The following RALY variants were observed in gnomAD, a reference collection of about 807,000 sequenced individuals.
RALY encodes RALY heterogeneous nuclear ribonucleoprotein, also known as RNA-binding protein Raly.
RALY carries 15 observed loss-of-function variants against 30.7 expected under a neutral mutation model. That is an observed-to-expected ratio of 0.49 (90% confidence interval 0.33 to 0.75). The LOEUF (loss-of-function observed/expected upper bound fraction) is 0.75, where lower values mean the gene tolerates loss of function less well. Ranked by LOEUF, RALY falls within the 30% of genes least tolerant of loss-of-function variation. The pLI, the probability that RALY is intolerant of heterozygous loss-of-function variation, is 0.02. For synonymous variants in RALY, 177 were observed against 170.8 expected (o/e 1.04, Z -0.28); for missense variants, 339 against 414.3 (o/e 0.82, Z 1.58).
intron 1 of RALY, among the ~76,000 whole-genome samples, chr20:33,996,351 GGCTATGAAAGT>G (rs1239739706): frequency 1.3e-5 from 2 of 152,126 alleles, no homozygotes; most frequent in Non-Finnish European, 2.9e-5. Context: ...TTAAGAAAAT[GGCTATGAAAGT>G]GCTTTATAGT....
chr20:34,008,405 G>A (rs991604476), intron 1 of RALY, among the ~76,000 whole-genome samples: 1 of 152,138 alleles, frequency 6.6e-6, no homozygotes, highest in Non-Finnish European at 1.5e-5. Context: ...ACTGTAATGG[G>A]GGTAATTTTG....
intron 1 of RALY, among the ~76,000 whole-genome samples, chr20:33,998,323 C>G (rs1235721066): frequency 6.6e-6 from 1 of 152,028 alleles, no homozygotes; most frequent in African/African-American, 2.4e-5. Context: ...AAGCCTAGCC[C>G]TCAAGAGAAC....
chr20:34,075,926 C>T lies in RALY; in HGVS notation c.430C>T (p.Pro144Ser). Residue 144 changes from proline to serine, a missense_variant, in exon 6 of 10, where the codon CCT (proline) becomes TCT (serine). This residue lies in a region of RALY where 268 missense variants were observed against 280.6 expected (regional missense o/e 0.95). Coordinates refer to ENST00000246194, the MANE Select transcript of RALY (RefSeq NM_016732.3). ...GCCCGTGCCAGTGCCCAGGGCGGTC[C>T]CTGTGAAGCGACCCCGGGTCACAGT... is the stretch of plus-strand genomic sequence containing the variant. ...LSPVPVPRAVPVKRPRVTVPL... is the reference protein window; with the variant it reads ...LSPVPVPRAVSVKRPRVTVPL... 6.2e-7 allele frequency: 1 copy of T among 1,614,168 alleles called. No homozygotes were observed. The highest frequency in any genetic ancestry group is 1.1e-5 in the South Asian group (1 of 91,070).
At chr20:34,031,269 C>A (rs1206959543) in intron 1 of RALY, among the ~76,000 whole-genome samples, 1 of 149,288 alleles carries the variant, frequency 6.7e-6, no homozygotes, top group South Asian at 2.1e-4. Flanking sequence ...CCATGTTGGC[C>A]GGGCTCGTCT....
At chr20:34,043,323 T>A (rs562741618) in intron 2 of RALY, among the ~76,000 whole-genome samples, 45 of 152,356 alleles carry the variant, frequency 3.0e-4, no homozygotes, top group Non-Finnish European at 5.0e-4. Context: ...CTACTCAGAA[T>A]AGGCAGCTGC....
chr20:34,054,815 C>CAA (rs771028871), intron 2 of RALY, among the ~76,000 whole-genome samples: 24 of 110,794 alleles, frequency 2.2e-4, no homozygotes, highest in South Asian at 5.8e-4. Context: ...GAGACTGTCT[C>CAA]AAAAAAAAAA....
chr20:34,071,839 T>G (rs2033736647), intron 2 of RALY, among the ~76,000 whole-genome samples: 1 of 152,122 alleles, frequency 6.6e-6, no homozygotes, highest in South Asian at 2.1e-4. Context: ...GCATATCATG[T>G]GAGTAACAAA....
In RALY at chr20:34,082,117, T is replaced by TA. The variant is rs2034039820; in HGVS notation, c.*2212_*2213insA. On this transcript the variant is annotated 3_prime_UTR_variant, in exon 10 of 10. Coordinates refer to ENST00000246194, the MANE Select transcript of RALY (RefSeq NM_016732.3). Reference sequence around the variant, plus strand: ...AGGAAGGGGCTAGGTCTGCAAGGAGTGCCTCATCTCCCTGAAGAGCTCTCA... The same window carrying TA: ...AGGAAGGGGCTAGGTCTGCAAGGAGTAGCCTCATCTCCCTGAAGAGCTCTCA... 6.6e-6 allele frequency: 1 copy of TA among 152,140 alleles called. No homozygotes were observed. The highest frequency in any genetic ancestry group is 2.1e-4 in the South Asian group (1 of 4,820). The allele number at this position is 152,140 out of a possible 1,614,324, so 9.4% of individuals were successfully genotyped here. A position where few individuals can be genotyped will look rare whatever the true frequency, so the allele number is the denominator to read the frequency against.
intron 9 of RALY, among the ~76,000 whole-genome samples, chr20:34,079,096 G>T (rs1477554438): frequency 1.3e-5 from 2 of 152,180 alleles, no homozygotes; most frequent in East Asian, 1.9e-4. Context: ...ATTGTCAGAG[G>T]GTGATGATTG....
At chr20:34,044,507 G>A (rs1287844173) in intron 2 of RALY, among the ~76,000 whole-genome samples, 2 of 151,946 alleles carry the variant, frequency 1.3e-5, no homozygotes, top group African/African-American at 2.4e-5. Flanking sequence ...TTTGGTAGAG[G>A]CGGAGTTTCT....
At chr20:34,072,492 C>T (rs528242302) in intron 3 of RALY, among the ~76,000 whole-genome samples, 162 bp downstream of exon 3, 1 of 152,086 alleles carries the variant, frequency 6.6e-6, no homozygotes, top group South Asian at 2.1e-4. Context: ...AAAATTAATC[C>T]CTATAGGGAA....
At chr20:34,028,477 G>A (rs1347419608) in intron 1 of RALY, among the ~76,000 whole-genome samples, 1 of 151,652 alleles carries the variant, frequency 6.6e-6, no homozygotes, top group Non-Finnish European at 1.5e-5. Flanking sequence ...GGCCGAGGCG[G>A]GCGGATCATG....
At chr20:34,025,929 G>T (rs372909579) in intron 1 of RALY, among the ~76,000 whole-genome samples, 2 of 147,550 alleles carry the variant, frequency 1.4e-5, no homozygotes, top group South Asian at 2.2e-4. Flanking sequence ...TTTGTGGGGG[G>T]TGGGGATAAG....
chr20:34,077,211 A>G lies in RALY; in HGVS notation c.842A>G (p.Glu281Gly), dbSNP rs2033916892. The G allele has an allele frequency of 1.2e-6, 2 of 1,613,818 alleles. No individual in the cohort carries two copies. The highest frequency in any genetic ancestry group is 1.7e-6 in the Non-Finnish European group (2 of 1,179,910). The change falls in exon 8 of 10, where the codon GAG becomes GGG. Residue 281 changes from glutamate to glycine, a missense_variant. By Grantham distance (98) the Glu-to-Gly change is moderately conservative. Coordinates refer to ENST00000246194, the MANE Select transcript of RALY (RefSeq NM_016732.3). ...GEARTRDDGD[E>G]EGLLTHSEEE... ...GCACGGACCCGAGACGACGGCGATG[A>G]GGAAGGGCTCCTGACACACAGCGAG...
chr20:34,060,475 A>G (rs1334446269), intron 2 of RALY, among the ~76,000 whole-genome samples: 1 of 152,228 alleles, frequency 6.6e-6, no homozygotes, highest in Non-Finnish European at 1.5e-5. Context: ...AGGAGCTAAT[A>G]TATTCGCATG....
chr20:34,020,328 T>C (rs578074884), intron 1 of RALY, among the ~76,000 whole-genome samples: 1 of 152,298 alleles, frequency 6.6e-6, no homozygotes, highest in Non-Finnish European at 1.5e-5. Context: ...CATTTGGACT[T>C]GTCTCTGAGT....
At chr20:34,052,547 CAGAG>C (rs985596581) in intron 2 of RALY, among the ~76,000 whole-genome samples, 40 of 152,326 alleles carry the variant, frequency 2.6e-4, no homozygotes, top group African/African-American at 9.6e-4. Context: ...AACCACTAAT[CAGAG>C]AGCATTGTTA....
intron 2 of RALY, among the ~76,000 whole-genome samples, chr20:34,054,729 G>A (rs1054323453): frequency 4.6e-5 from 7 of 152,024 alleles, no homozygotes; most frequent in South Asian, 2.1e-4. Context: ...GGGGGGCTGA[G>A]GCACAAGAAT....
At chr20:34,078,451 G>T (rs935917961) in intron 8 of RALY, 54 bp from the exon 9 acceptor site, 4 of 1,471,472 alleles carry the variant, frequency 2.7e-6, no homozygotes, top group East Asian at 2.6e-5. Flanking sequence ...CTCAGGGCAG[G>T]ACTCAGAGCT....
Sources: gnomAD v4.1 joint callset for allele counts (sites outside exome capture counted in the v4.1 genomes callset) on GRCh38, gnomAD v4.1.1 for gene constraint, gnomAD v4.1.1 regional missense constraint, MANE v1.5 for transcripts, NCBI Gene and HGNC (gene_info 2026-07-23, HGNC 2026-07-21) for gene names.